Variants in SELE observed in about 807,000 individuals in gnomAD.
SELE encodes the protein selectin E, also known as E-selectin.
A neutral mutation model predicts 75.8 loss-of-function variants in SELE; 52 were observed. That is an observed-to-expected ratio of 0.69 (90% confidence interval 0.55 to 0.86). The LOEUF is 0.86. Ranked by LOEUF, SELE falls within the 40% of genes least tolerant of loss-of-function variation. SELE has a pLI of 0.00. For missense variants in SELE, 754 were observed against 732.7 expected (o/e 1.03, Z -0.34); for synonymous variants, 285 against 258.7 (o/e 1.10, Z -0.98).
intron 5 of SELE, 72 bp from the exon 6 acceptor site, chr1:169,729,745 T>C: frequency 6.8e-7 from 1 of 1,471,020 alleles, no homozygotes; most frequent in Admixed American, 1.8e-5. Flanking sequence ...GCTGGGTGCC[T>C]AACAGAGTGA....
In SELE at chr1:169,732,877, T is replaced by C. The variant is rs763408351; in HGVS notation, c.159A>G (p.Lys53=). ...RYTHLVAIQN[K]EEIEYLNSIL... ...TGGAGTTTAGGTACTCAATCTCTTC[T>C]TTGTTTTGAATTGCAACCAGGTGTG... Residue 53 remains lysine, a synonymous_variant, in exon 3 of 14, where the codon AAA becomes AAG. Coordinates refer to ENST00000333360, the MANE Select transcript of SELE (RefSeq NM_000450.2). The C allele has an allele frequency of 6.2e-7, 1 of 1,614,202 alleles. No individual in the cohort carries two copies. The highest frequency in any genetic ancestry group is 2.2e-5 in the East Asian group (1 of 44,892).
In SELE at chr1:169,730,610, G is replaced by T; in HGVS notation, c.537C>A (p.Asn179Lys). Reference sequence around the variant, plus strand: ...GCTCAGGGGATTCCAGGGCTGTACAGTTCACAACTGAAAAAGAAACCCAAA... The same window carrying T: ...GCTCAGGGGATTCCAGGGCTGTACATTTCACAACTGAAAAAGAAACCCAAA... ...FSGLKCEQIVNCTALESPEHG... is the reference protein window; with the variant it reads ...FSGLKCEQIVKCTALESPEHG... Residue 179 changes from asparagine to lysine, a missense_variant, in exon 5 of 14, where the codon AAC becomes AAA. By Grantham distance (94) the Asn-to-Lys change is moderately conservative. Transcript: ENST00000333360. The T allele has an allele frequency of 6.3e-7, 1 of 1,599,980 alleles. No individual in the cohort carries two copies. Among genetic ancestry groups the T allele is most frequent in the Non-Finnish European group, 8.5e-7 (1 of 1,171,524 alleles).
At position 169,732,891 on chromosome 1, in the gene SELE, C is replaced by A; in HGVS notation, c.145G>T (p.Ala49Ser). Residue 49 changes from alanine to serine, a missense_variant, in exon 3 of 14, where the codon GCA (alanine) becomes TCA (serine). Physicochemically the swap from Ala to Ser is moderately conservative, Grantham distance 99. Transcript: ENST00000333360. ...YCQQRYTHLV[A>S]IQNKEEIEYL... is the part of the protein sequence containing the mutation. ...TCAATCTCTTCTTTGTTTTGAATTG[C>A]AACCAGGTGTGTGTACCTTTGCTGA... The A allele has an allele frequency of 6.2e-7, 1 of 1,614,128 alleles. No homozygotes were observed. Among genetic ancestry groups the A allele is most frequent in the Non-Finnish European group, 8.5e-7 (1 of 1,180,012 alleles).
Position 169,728,166 on chromosome 1 carries a change from C to T in SELE, c.1171G>A (p.Gly391Arg). The T allele has an allele frequency of 6.2e-7, 1 of 1,614,222 alleles. No individual in the cohort carries two copies. Among genetic ancestry groups the T allele is most frequent in the Non-Finnish European group, 8.5e-7 (1 of 1,180,032 alleles). ...LPSASGSFRYGSSCEFSCEQG... is the reference protein window; with the variant it reads ...LPSASGSFRYRSSCEFSCEQG... ...TCACAGGAGAACTCACAGCTGGACC[C>T]ATAACGGAAACTGCCAGAAGCACTA... is the stretch of plus-strand genomic sequence containing the variant. The change falls in exon 8 of 14, where the codon GGG (glycine) becomes AGG (arginine). Residue 391 changes from glycine (G) to arginine (R), a missense_variant. Coordinates refer to ENST00000333360, the MANE Select transcript of SELE (RefSeq NM_000450.2).
rs765998990 is a variant in SELE at position 169,725,842 on chromosome 1, C to T, written c.1776-41G>A. ...GAACACTAGGTAAAGCACTGTCTTC[C>T]AACATGAAGAGAGAAAAATATGTGG... On this transcript the variant is annotated intron_variant, in intron 12 of 13. Coordinates refer to ENST00000333360, the MANE Select transcript of SELE (RefSeq NM_000450.2). 2.5e-6 allele frequency: 4 copies of T among 1,613,658 alleles called. No individual in the cohort carries two copies. The South Asian group carries it at 4.4e-5, about 18-fold the overall frequency.
chr1:169,724,158 C>G lies in SELE; in HGVS notation c.*367G>C, dbSNP rs562314984. 6.6e-6 allele frequency: 1 copy of G among 152,176 alleles called. No individual in the cohort carries two copies. The highest frequency in any genetic ancestry group is 2.4e-5 in the African/African-American group (1 of 41,444). The allele number at this position is 152,176 out of a possible 1,614,324, so 9.4% of individuals were successfully genotyped here. On this transcript the variant is annotated 3_prime_UTR_variant, in exon 14 of 14. Coordinates refer to ENST00000333360, the MANE Select transcript of SELE (RefSeq NM_000450.2). The stretch of plus-strand genomic sequence containing the variant: ...GTGAAGGGCAAAAGAAAGAAAGCCA[C>G]AAAATATTGTGTTTCTGTGCCAAGA...
In SELE at chr1:169,728,076, C is replaced by G. The variant is rs5366; in HGVS notation, c.1261G>C (p.Glu421Gln). 2.4e-3 allele frequency: 3,883 copies of G among 1,612,824 alleles called. 83 individuals are homozygous for G. The African/African-American group carries it at 0.045, about 19-fold the overall frequency. ...QCGPTGEWDNEKPTCEAVRCD... is the reference protein window; with the variant it reads ...QCGPTGEWDNQKPTCEAVRCD... ...ACTGTACCTTCACATGTGGGCTTCT[C>G]GTTGTCCCACTCCCCTGTGGGGCCA... The change falls in exon 8 of 14, where the codon GAG becomes CAG. Residue 421 changes from glutamate to glutamine, a missense_variant. Physicochemically the swap from Glu to Gln is conservative, Grantham distance 29. Transcript: ENST00000333360.
chr1:169,733,472 G>T, intron 2 of SELE, 104 bp downstream of exon 2: 3 of 1,163,674 alleles, frequency 2.6e-6, no homozygotes, highest in Non-Finnish European at 3.9e-6. Context: ...CAAGGATGCT[G>T]CCAGATATCC....
chr1:169,732,836 G>A lies in SELE; in HGVS notation c.200C>T (p.Pro67Leu). The change falls in exon 3 of 14, where the codon CCA (proline) becomes CTA (leucine). Residue 67 changes from proline to leucine, a missense_variant. Coordinates refer to ENST00000333360, the MANE Select transcript of SELE (RefSeq NM_000450.2). The stretch of plus-strand genomic sequence containing the variant: ...TCTGATTCCAATCCAGTAATAACTT[G>A]GTGAATAGCTCAATATGGAGTTTAG... ...EYLNSILSYS[P>L]SYYWIGIRKV... The A allele has an allele frequency of 6.2e-7, 1 of 1,614,088 alleles. No homozygotes were observed. Among genetic ancestry groups the A allele is most frequent in the Non-Finnish European group, 8.5e-7 (1 of 1,179,986 alleles).
rs192917434 is a variant in SELE at position 169,730,280 on chromosome 1, G to T, written c.715+152C>A. ...CTCAACCCAAGCAGGTACTGGGTTG[G>T]CAATATACATTGGCTGAGAGAACAA... On this transcript the variant is annotated intron_variant, in intron 5 of 13. Coordinates refer to ENST00000333360, the MANE Select transcript of SELE (RefSeq NM_000450.2). 1.1e-4 allele frequency: 68 copies of T among 634,244 alleles called. No homozygotes were observed. The Admixed American group carries it at 1.3e-3, about 12-fold the overall frequency. The allele number at this position is 634,244 out of a possible 1,614,324, so 39.3% of individuals were successfully genotyped here. A position where few individuals can be genotyped will look rare whatever the true frequency, so the allele number is the denominator to read the frequency against.
At chr1:169,731,581 A>C in intron 4 of SELE, 1 of 379,326 alleles carries the variant, frequency 2.6e-6, no homozygotes, top group Non-Finnish European at 4.9e-6. Flanking sequence ...AGTTCACACT[A>C]TTATTATCCT....
rs1648783750 is a variant in SELE at position 169,726,762 on chromosome 1, C to T, written c.1690G>A (p.Ala564Thr). The part of the protein sequence containing the change: ...NIPLVAGLSA[A>T]GLSLLTLAPF... ...GCTAATGTCAGGAGGGAGAGTCCAG[C>T]AGCAGAAAGTCCAGCTACCAAGGGA... is the stretch of plus-strand genomic sequence containing the variant. The change falls in exon 11 of 14, where the codon GCT becomes ACT. Residue 564 changes from alanine to threonine, a missense_variant. Ala to Thr is a moderately conservative substitution (Grantham distance 58, BLOSUM62 0). Coordinates refer to ENST00000333360, the MANE Select transcript of SELE (RefSeq NM_000450.2). The T allele has an allele frequency of 6.2e-7, 1 of 1,613,870 alleles. No individual in the cohort carries two copies. Among genetic ancestry groups the T allele is most frequent in the African/African-American group, 1.3e-5 (1 of 75,014 alleles).
chr1:169,729,764 C>T (rs1648863407), intron 5 of SELE, 91 bp from the exon 6 acceptor site: 3 of 1,241,554 alleles, frequency 2.4e-6, no homozygotes, highest in African/African-American at 1.5e-5. Flanking sequence ...GAGGAAGCTG[C>T]CTTCAAAGGG....
chr1:169,730,248 A>C (rs1422189981), intron 5 of SELE, among the ~76,000 whole-genome samples, 184 bp downstream of exon 5: 1 of 152,184 alleles, frequency 6.6e-6, no homozygotes, highest in African/African-American at 2.4e-5. Flanking sequence ...AGAATAAAAA[A>C]ACCTCTCTCA....
At chr1:169,732,393 T>C (rs12239809) in intron 3 of SELE, among the ~76,000 whole-genome samples, 1 of 148,840 alleles carries the variant, frequency 6.7e-6, no homozygotes, top group Non-Finnish European at 1.5e-5. Context: ...CACACACACA[T>C]ATATGTGTGT....
rs750482750 is a variant in SELE at position 169,729,181 on chromosome 1, C to A, written c.1090+5G>T. ...AAAGTATAAATCGAAGGATCTCAAG[C>A]TTACCTTCACAAACTGGGATTTGCT... is the stretch of plus-strand genomic sequence containing the variant. On this transcript the variant is annotated splice_donor_5th_base_variant and intron_variant, in intron 7 of 13. Coordinates refer to ENST00000333360, the MANE Select transcript of SELE (RefSeq NM_000450.2). The A allele has an allele frequency of 3.1e-6, 5 of 1,598,202 alleles. No individual in the cohort carries two copies. The Admixed American group carries it at 8.6e-5, about 27-fold the overall frequency.
rs1424987352 is a variant in SELE at position 169,723,489 on chromosome 1, T to G, written c.*1036A>C. The G allele has an allele frequency of 6.6e-6, 1 of 152,272 alleles. No homozygotes were observed. Among genetic ancestry groups the G allele is most frequent in the Non-Finnish European group, 1.5e-5 (1 of 68,040 alleles). The allele number at this position is 152,272 out of a possible 1,614,324, so 9.4% of individuals were successfully genotyped here. A position where few individuals can be genotyped will look rare whatever the true frequency, so the allele number is the denominator to read the frequency against. ...CCTTTGTGTGTTTGCATTTATGCTT[T>G]TATTAGTTCAAAACGTTTGGCCTCA... On this transcript the variant is annotated 3_prime_UTR_variant, in exon 14 of 14. Transcript: ENST00000333360.
Position 169,727,418 on chromosome 1 carries a change from G to T in SELE, c.1576C>A (p.Leu526Ile). 6.2e-7 allele frequency: 1 copy of T among 1,614,144 alleles called. No individual in the cohort carries two copies. The highest frequency in any genetic ancestry group is 8.5e-7 in the Non-Finnish European group (1 of 1,180,022). Residue 526 changes from leucine (L) to isoleucine (I), a missense_variant, in exon 10 of 14, where the codon CTC becomes ATC. Transcript: ENST00000333360. ...CATGTCCGAGCTGCAGAGCCATTGA[G>T]CGTCCATCCTTCAGGACAGGCGAAC... ...CKFACPEGWT[L>I]NGSAARTCGA... is the part of the protein sequence containing the mutation.
rs754416803 is a variant in SELE at position 169,727,463 on chromosome 1, C to T, written c.1531G>A (p.Val511Met). ...GCGAACTTGCACACAGTGCCAAACA[C>T]GGGCTCCCCACTGCAGCTCATGTTG... ...KINMSCSGEP[V>M]FGTVCKFACP... Residue 511 changes from valine (V) to methionine (M), a missense_variant, in exon 10 of 14, where the codon GTG (valine) becomes ATG (methionine). Coordinates refer to ENST00000333360, the MANE Select transcript of SELE (RefSeq NM_000450.2). The T allele has an allele frequency of 2.0e-5, 33 of 1,614,036 alleles. No individual in the cohort carries two copies. The highest frequency in any genetic ancestry group is 1.0e-4 in the Admixed American group (6 of 59,998).
Sources: allele counts gnomAD v4.1 joint callset (sites outside exome capture counted in the v4.1 genomes callset), GRCh38; gene constraint gnomAD v4.1.1; transcripts MANE v1.5; gene names NCBI Gene and HGNC (gene_info 2026-07-23, HGNC 2026-07-21).